SUMF1: variants seen among roughly 807,000 people sequenced by gnomAD.
The protein encoded by SUMF1 is sulfatase modifying factor 1.
SUMF1 carries 48 observed loss-of-function variants against 47.6 expected under a neutral mutation model. That is an observed-to-expected ratio of 1.01 (90% confidence interval 0.80 to 1.28). The LOEUF is 1.28. Among genes scored for constraint, SUMF1 ranks in the 50% most tolerant of loss-of-function variants. The pLI is 0.00. For missense variants in SUMF1, 571 were observed against 485.4 expected (o/e 1.18, Z -1.66); for synonymous variants, 230 against 192.1 (o/e 1.20, Z -1.63).
At chr3:4,212,974 T>C (rs769500036) in intron 8 of SUMF1, among the ~76,000 whole-genome samples, 3 of 152,156 alleles carry the variant, frequency 2.0e-5, no homozygotes, top group Non-Finnish European at 2.9e-5. Flanking sequence ...TGGAACCAAG[T>C]TGGAAAACAC....
At chr3:4,306,151 T>TGTGC (rs1239192954) in intron 8 of SUMF1, among the ~76,000 whole-genome samples, 1 of 152,242 alleles carries the variant, frequency 6.6e-6, no homozygotes. Context: ...TGCGTGTGTG[T>TGTGC]GTGCGTTTGA....
intron 8 of SUMF1, among the ~76,000 whole-genome samples, chr3:4,265,998 A>C (rs1697186494): frequency 6.6e-6 from 1 of 152,034 alleles, no homozygotes; most frequent in Non-Finnish European, 1.5e-5. Context: ...TCCTTTCCCC[A>C]TTGCTTGTTT....
intron 3 of SUMF1, among the ~76,000 whole-genome samples, chr3:4,446,622 G>T (rs1015382330): frequency 4.6e-5 from 7 of 152,122 alleles, no homozygotes; most frequent in African/African-American, 1.7e-4. Flanking sequence ...GCCTCATGGG[G>T]AAAGAACCCA....
intron 8 of SUMF1, among the ~76,000 whole-genome samples, chr3:4,242,284 T>C (rs889581749): frequency 3.9e-5 from 6 of 152,330 alleles, no homozygotes; most frequent in South Asian, 4.1e-4. Context: ...TCTTGCCTGA[T>C]TGCCCTGGTC....
intron 8 of SUMF1, among the ~76,000 whole-genome samples, chr3:4,083,754 A>G (rs780178064): frequency 6.6e-6 from 1 of 151,964 alleles, no homozygotes; most frequent in Non-Finnish European, 1.5e-5. Context: ...GAGAATTTAT[A>G]TTCTGTGGGA....
chr3:4,452,951 G>C lies in SUMF1; in HGVS notation c.369C>G (p.Ala123=), dbSNP rs1282092468. 10 of 1,614,166 alleles carry C rather than the reference G, an allele frequency of 6.2e-6. 1 individual carries two copies. In the South Asian group the frequency reaches 1.1e-4, roughly 18 times the overall value. ...TGACTTCATAGGCATCCATGTAAAA[G>C]GCATCAATAGTAACTCTCCTCGCAG... ...EAPARRVTID[A]FYMDAYEVSN... is the part of the protein sequence containing the mutation. Residue 123 remains alanine, a synonymous_variant, in exon 2 of 9, where the codon GCC becomes GCG. Transcript: ENST00000272902.
At chr3:4,318,940 A>G (rs1698758361) in intron 8 of SUMF1, among the ~76,000 whole-genome samples, 1 of 152,184 alleles carries the variant, frequency 6.6e-6, no homozygotes, top group South Asian at 2.1e-4. Flanking sequence ...AAATAATAAG[A>G]CAAATGACCC....
At chr3:4,087,048 A>C (rs377586817) in intron 8 of SUMF1, among the ~76,000 whole-genome samples, 5 of 152,182 alleles carry the variant, frequency 3.3e-5, no homozygotes, top group African/African-American at 1.2e-4. Flanking sequence ...CTTCCCAAAA[A>C]ACATCTAATA....
At chr3:4,264,644 G>A (rs745913414) in intron 8 of SUMF1, among the ~76,000 whole-genome samples, 2 of 152,072 alleles carry the variant, frequency 1.3e-5, no homozygotes, top group Non-Finnish European at 2.9e-5. Flanking sequence ...ACCCATTTAG[G>A]TTTTCCATCA....
At chr3:4,053,370 A>C (rs930099108) in intron 9 of SUMF1, among the ~76,000 whole-genome samples, 8 of 152,284 alleles carry the variant, frequency 5.3e-5, no homozygotes, top group African/African-American at 1.9e-4. Context: ...TATAATAATA[A>C]TGAAAAAGTC....
At chr3:4,458,178 G>A (rs1391571327) in intron 1 of SUMF1, among the ~76,000 whole-genome samples, 1 of 152,010 alleles carries the variant, frequency 6.6e-6, no homozygotes, top group African/African-American at 2.4e-5. Flanking sequence ...AACCACAATG[G>A]GCTATCTCCT....
At chr3:4,415,372 G>T (rs563400957) in intron 6 of SUMF1, among the ~76,000 whole-genome samples, 21 of 152,274 alleles carry the variant, frequency 1.4e-4, no homozygotes, top group African/African-American at 4.8e-4. Flanking sequence ...CAAAAGAATG[G>T]TGAGAAAGGA....
intron 8 of SUMF1, among the ~76,000 whole-genome samples, chr3:4,312,145 A>G (rs750463830): frequency 3.3e-5 from 5 of 152,236 alleles, no homozygotes; most frequent in African/African-American, 1.2e-4. Flanking sequence ...TATTTAAGAA[A>G]TAGCATTTTT....
chr3:4,087,730 T>C (rs548836934), intron 8 of SUMF1, among the ~76,000 whole-genome samples: 1 of 152,066 alleles, frequency 6.6e-6, no homozygotes, highest in South Asian at 2.1e-4. Flanking sequence ...AAAAAAATAA[T>C]TACAATTAAA....
At chr3:4,237,309 G>A (rs567126920) in intron 8 of SUMF1, among the ~76,000 whole-genome samples, 1 of 152,086 alleles carries the variant, frequency 6.6e-6, no homozygotes, top group South Asian at 2.1e-4. Flanking sequence ...CAGTGTTTTG[G>A]ATTTTTACAA....
chr3:4,326,351 G>A (rs777825454), intron 8 of SUMF1, among the ~76,000 whole-genome samples: 1 of 152,010 alleles, frequency 6.6e-6, no homozygotes, highest in South Asian at 2.1e-4. Flanking sequence ...CTCAAGCACA[G>A]CCAAGAATTT....
intron 7 of SUMF1, among the ~76,000 whole-genome samples, chr3:4,401,768 CTCTTT>C (rs1701219493): frequency 6.6e-6 from 1 of 152,200 alleles, no homozygotes; most frequent in Non-Finnish European, 1.5e-5. Flanking sequence ...AAACTCTCTG[CTCTTT>C]TCTTTTAATG....
At chr3:4,062,875 T>C (rs1695298916) in intron 9 of SUMF1, among the ~76,000 whole-genome samples, 1 of 152,148 alleles carries the variant, frequency 6.6e-6, no homozygotes, top group South Asian at 2.1e-4. Context: ...AACAGGGAAG[T>C]CTAATATTCT....
At chr3:4,260,013 C>T (rs1237085802) in intron 8 of SUMF1, among the ~76,000 whole-genome samples, 2 of 130,140 alleles carry the variant, frequency 1.5e-5, no homozygotes, top group African/African-American at 5.8e-5. Flanking sequence ...ACTCTGAAAC[C>T]AGAAAAAGGA....
Sources: gnomAD v4.1 joint callset for allele counts (sites outside exome capture counted in the v4.1 genomes callset) on GRCh38, gnomAD v4.1.1 for gene constraint, MANE v1.5 for transcripts, NCBI Gene and HGNC (gene_info 2026-07-23, HGNC 2026-07-21) for gene names.